The following HECTD3 variants were observed in gnomAD, a reference collection of about 807,000 sequenced individuals.
The protein encoded by HECTD3 is E3 ubiquitin-protein ligase HECTD3.
Under a neutral mutation model 109.3 loss-of-function variants are expected in HECTD3, and 72 were observed. The observed-to-expected ratio is 0.66, with a 90% confidence interval of 0.54 to 0.80. The LOEUF (loss-of-function observed/expected upper bound fraction) is 0.80. Among genes scored for constraint, HECTD3 ranks in the 30% least tolerant of loss-of-function variants. The probability of loss-of-function intolerance (pLI) is 0.00; values close to 1 mark genes in which losing one functional copy is unlikely to be tolerated. For synonymous variants in HECTD3, 481 were observed against 471.8 expected, an observed-to-expected ratio of 1.02 and a Z score of -0.25; for missense variants, 1,041 against 1,165.2, an observed-to-expected ratio of 0.89 and a Z score of 1.55.
In HECTD3 at chr1:45,007,606, G is replaced by C. The variant is rs1644748089; in HGVS notation, c.1321-11C>G. ...GAACTGCTTCACTTGCTAGTGAGGAGAGGTGGCCAGAGCAGGAATGAGTGG... is the reference window on the plus strand; with the variant it reads ...GAACTGCTTCACTTGCTAGTGAGGACAGGTGGCCAGAGCAGGAATGAGTGG... On this transcript the variant is annotated splice_polypyrimidine_tract_variant and intron_variant, in intron 9 of 20. Transcript: ENST00000372172. 2 of 1,603,334 alleles carry C rather than the reference G, an allele frequency of 1.2e-6. No individual in the cohort carries two copies. The highest frequency in any genetic ancestry group is 1.7e-6 in the Non-Finnish European group (2 of 1,178,838).
In HECTD3 at chr1:45,007,484, G is replaced by A. The variant is rs931224180; in HGVS notation, c.1432C>T (p.Arg478Cys). Residue 478 changes from arginine to cysteine, a missense_variant, in exon 10 of 21, where the codon CGC becomes TGC. Arg to Cys is a radical substitution (Grantham distance 180, BLOSUM62 -3). Around this residue, in one of 2 missense-constraint regions of HECTD3, gnomAD observed 569 missense variants for 715.3 expected, o/e 0.80. Transcript: ENST00000372172. Reference sequence around the variant, plus strand: ...GCACGGTGTTCCATGGCAAGACGGCGGTTGATGTATAGGCGTGGCATGAAG... The same window carrying A: ...GCACGGTGTTCCATGGCAAGACGGCAGTTGATGTATAGGCGTGGCATGAAG... ...PSFMPRLYIN[R>C]RLAMEHRACP... 8 of 1,614,138 alleles carry A rather than the reference G, an allele frequency of 5.0e-6. No individual in the cohort carries two copies. The highest frequency in any genetic ancestry group is 2.7e-5 in the African/African-American group (2 of 75,016).
chr1:45,003,323 G>C lies in HECTD3; in HGVS notation c.*169C>G, dbSNP rs1644706454. On this transcript the variant is annotated 3_prime_UTR_variant, in exon 21 of 21. Coordinates refer to ENST00000372172, the MANE Select transcript of HECTD3 (RefSeq NM_024602.6). The surrounding 1 kb of genome is among the most constrained non-coding windows in gnomAD (Gnocchi z 4.7). ...GTGGGTCTGCGGGGCTGGGCCACTA[G>C]TGTTACCTGACCATGCCAGCTGCCC... 1 of 630,788 alleles carries C rather than the reference G, an allele frequency of 1.6e-6. No homozygotes were observed. The highest frequency in any genetic ancestry group is 2.5e-5 in the Admixed American group (1 of 40,432). The allele number at this position is 630,788 out of a possible 1,614,324, so 39.1% of individuals were successfully genotyped here. A position where few individuals can be genotyped will look rare whatever the true frequency, so the allele number is the denominator to read the frequency against.
Position 45,004,633 on chromosome 1 carries a change from G to A in HECTD3, c.2109C>T (p.Val703=). 1 of 1,614,132 alleles carries A rather than the reference G, an allele frequency of 6.2e-7. No individual in the cohort carries two copies. Among genetic ancestry groups the A allele is most frequent in the Non-Finnish European group, 8.5e-7 (1 of 1,180,018 alleles). Residue 703 remains valine, a synonymous_variant, in exon 16 of 21, where the codon GTC becomes GTT. Transcript: ENST00000372172. The part of the protein sequence containing the change: ...YGDRSRFIQL[V]QKARLEESKE... ...TGCTCTCCTCTAGCCGTGCCTTCTG[G>A]ACCAGTTGGATGAAACGAGAACGGT...
Position 45,004,234 on chromosome 1 carries a change from C to T in HECTD3, c.2272+14G>A, listed in dbSNP as rs1367072997. On this transcript the variant is annotated intron_variant, in intron 17 of 20. Coordinates refer to ENST00000372172, the MANE Select transcript of HECTD3 (RefSeq NM_024602.6). ...GCTGTGCTGCCCTGCCCTGCCCTGC[C>T]TTGGGGAACTCACTGAGCTTGCGCA... 6.2e-7 allele frequency: 1 copy of T among 1,614,018 alleles called. No individual in the cohort carries two copies. Among genetic ancestry groups the T allele is most frequent in the South Asian group, 1.1e-5 (1 of 91,080 alleles).
rs569133161 is a variant in HECTD3, at chr1:45,004,649, C to T, written c.2093G>A (p.Arg698His). 277 of 1,614,178 alleles carry T rather than the reference C, an allele frequency of 1.7e-4. 3 individuals carry two copies. The South Asian group carries it at 2.7e-3, about 16-fold the overall frequency. The change falls in exon 16 of 21, where the codon CGT (arginine) becomes CAT (histidine). Residue 698 changes from arginine to histidine, a missense_variant. This residue lies in a region of HECTD3 where 569 missense variants were observed against 715.3 expected (regional missense o/e 0.80). Transcript: ENST00000372172. ...GIVVGYGDRS[R>H]FIQLVQKARL... ...TGCCTTCTGGACCAGTTGGATGAAACGAGAACGGTCCCCATATCCCACGAC... is the reference window on the plus strand; with the variant it reads ...TGCCTTCTGGACCAGTTGGATGAAATGAGAACGGTCCCCATATCCCACGAC...
intron 15 of HECTD3, chr1:45,005,104 A>G (rs1644722798): frequency 6.3e-6 from 3 of 478,462 alleles, no homozygotes; most frequent in Non-Finnish European, 3.8e-6. Flanking sequence ...AAAGAGCAAA[A>G]GGCCTAAGGA....
Position 45,011,306 on chromosome 1 carries a change from A to G in HECTD3, c.-49T>C. The G allele has an allele frequency of 7.4e-7, 1 of 1,350,012 alleles. No homozygotes were observed. Among genetic ancestry groups the G allele is most frequent in the Non-Finnish European group, 9.5e-7 (1 of 1,056,302 alleles). 83.6% of individuals were successfully genotyped at this position (1,350,012 alleles called of 1,614,324 possible). On this transcript the variant is annotated 5_prime_UTR_variant, in exon 1 of 21. Coordinates refer to ENST00000372172, the MANE Select transcript of HECTD3 (RefSeq NM_024602.6). The stretch of plus-strand genomic sequence containing the variant: ...CTAGAGGCGACCCTGCCCGGGGAAC[A>G]GCTGGCGCGACCGCGGACAGAGCTT...
At chr1:45,005,645 G>A (rs1044414545) in intron 15 of HECTD3, 149 bp downstream of exon 15, 9 of 599,140 alleles carry the variant, frequency 1.5e-5, no homozygotes, top group South Asian at 8.4e-5. Flanking sequence ...TAGGGGTCAC[G>A]AGTCTACAGA....
At chr1:45,005,937 CT>C in intron 14 of HECTD3, 54 bp from the exon 15 acceptor site, 1 of 1,606,224 alleles carries the variant, frequency 6.2e-7, no homozygotes. Flanking sequence ...CCAGGTTTGG[CT>C]GGCCTTTCCT....
At position 45,008,690 on chromosome 1, in the gene HECTD3, C is replaced by T; in HGVS notation, c.1084G>A (p.Asp362Asn). The stretch of plus-strand genomic sequence containing the variant: ...ATCTTGACCCCTCGGAGACGAACAT[C>T]AATCCCATCATCTGGGGGAAGGGGT... Reference protein sequence around the residue: ...RIVECRDDGIDVRLRGVKIKS... With the variant: ...RIVECRDDGINVRLRGVKIKS... The change falls in exon 8 of 21, where the codon GAT becomes AAT. Residue 362 changes from aspartate to asparagine, a missense_variant. Coordinates refer to ENST00000372172, the MANE Select transcript of HECTD3 (RefSeq NM_024602.6). 2.5e-6 allele frequency: 4 copies of T among 1,613,328 alleles called. No homozygotes were observed. The highest frequency in any genetic ancestry group is 1.8e-4 in the Middle Eastern group (1 of 5,666).
In HECTD3 at chr1:45,004,820, A is replaced by G; in HGVS notation, c.1936-14T>C. On this transcript the variant is annotated splice_polypyrimidine_tract_variant and intron_variant, in intron 15 of 20. Transcript: ENST00000372172. ...CAGGAGCTTCACCTAGGGGTTGGAGAGAGGCAGGGAGGTAACCTTTTCACT... is the reference window on the plus strand; with the variant it reads ...CAGGAGCTTCACCTAGGGGTTGGAGGGAGGCAGGGAGGTAACCTTTTCACT... 2.5e-6 allele frequency: 4 copies of G among 1,610,776 alleles called. No individual in the cohort carries two copies. The highest frequency in any genetic ancestry group is 3.4e-6 in the Non-Finnish European group (4 of 1,176,954).
At chr1:45,008,811 A>G (rs2148978409) in intron 7 of HECTD3, 110 bp from the exon 8 acceptor site, 1 of 1,018,410 alleles carries the variant, frequency 9.8e-7, no homozygotes, top group South Asian at 1.4e-5. Context: ...GTTAGCCCCT[A>G]GAAACTCGGG....
chr1:45,006,996 G>A lies in HECTD3; in HGVS notation c.1576C>T (p.Gln526Ter), dbSNP rs1233808009. The A allele has an allele frequency of 1.9e-6, 3 of 1,614,088 alleles. No individual in the cohort carries two copies. Among genetic ancestry groups the A allele is most frequent in the Non-Finnish European group, 1.7e-6 (2 of 1,180,008 alleles). The stretch of plus-strand genomic sequence containing the variant: ...GCAATAAATTTACACTCCCACCACT[G>A]GTCATAGCGCATGGGCCACCTGCAA... ...LDYRWPMRYD[Q>*]WWECKFIAEG... Residue 526 changes from glutamine to a stop codon, truncating the protein, a stop_gained, in exon 12 of 21, where the codon CAG becomes TAG. Coordinates refer to ENST00000372172, the MANE Select transcript of HECTD3 (RefSeq NM_024602.6). LOFTEE classifies it high-confidence loss of function. The surrounding 1 kb of genome is among the most constrained non-coding windows in gnomAD (Gnocchi z 4.7).
Position 45,007,434 on chromosome 1 carries a change from G to A in HECTD3, c.1482C>T (p.Cys494=), listed in dbSNP as rs1482163236. ...AGACCTGGGTGAAGACTGCATTCTT[G>A]CAGGCAGGGTCTCGAGAGGGGCAGG... ...HRACPSRDPA[C]KNAVFTQVYE... is the part of the protein sequence containing the mutation. Residue 494 remains cysteine (C), a synonymous_variant, in exon 10 of 21, where the codon TGC becomes TGT. Coordinates refer to ENST00000372172, the MANE Select transcript of HECTD3 (RefSeq NM_024602.6). 2 of 1,614,010 alleles carry A rather than the reference G, an allele frequency of 1.2e-6. No homozygotes were observed. The highest frequency in any genetic ancestry group is 1.7e-6 in the Non-Finnish European group (2 of 1,180,026).
rs1321616578 is a variant in HECTD3 at position 45,004,775 on chromosome 1, T to A, written c.1967A>T (p.Asp656Val). 6.2e-7 allele frequency: 1 copy of A among 1,614,198 alleles called. No individual in the cohort carries two copies. The highest frequency in any genetic ancestry group is 8.5e-7 in the Non-Finnish European group (1 of 1,180,022). ...VKLLEVMEGM[D>V]KETFEFKFGK... ...AAACTTGAACTCAAACGTCTCCTTG[T>A]CCATTCCTTCCATCACTTCCAGGAG... The change falls in exon 16 of 21, where the codon GAC (aspartate) becomes GTC (valine). Residue 656 changes from aspartate to valine, a missense_variant. By Grantham distance (152) the Asp-to-Val change is radical. Transcript: ENST00000372172.
rs760898026 is a variant in HECTD3, at chr1:45,010,040, C to G, written c.705G>C (p.Glu235Asp). The stretch of plus-strand genomic sequence containing the variant: ...CATACTGCTTCACGCTACCCAGGTT[C>G]TCATCCTCCTTGCCCAGGTGGTCAT... ...FLYDHLGKED[E>D]NLGSVKQYVE... is the part of the protein sequence containing the mutation. Residue 235 changes from glutamate (E) to aspartate (D), a missense_variant, in exon 4 of 21, where the codon GAG (glutamate) becomes GAC (aspartate). Physicochemically the swap from Glu to Asp is conservative, Grantham distance 45. Transcript: ENST00000372172. 10 of 1,563,120 alleles carry G rather than the reference C, an allele frequency of 6.4e-6. No individual in the cohort carries two copies. The East Asian group carries it at 2.3e-4, about 35-fold the overall frequency.
intron 15 of HECTD3, 200 bp downstream of exon 15, chr1:45,005,594 G>A: frequency 2.1e-6 from 1 of 485,426 alleles, no homozygotes. Flanking sequence ...TACATATATG[G>A]CCCCAGGCTT....
At position 45,011,116 on chromosome 1, in the gene HECTD3, G is replaced by C; in HGVS notation, c.142C>G (p.Leu48Val). ...AALAFVPREV[L>V]YKLYKDPAGP... Reference sequence around the variant, plus strand: ...GCTGGGTCCTTGTAAAGCTTGTAGAGCACCTCTCGCGGCACGAAAGCCAGC... The same window carrying C: ...GCTGGGTCCTTGTAAAGCTTGTAGACCACCTCTCGCGGCACGAAAGCCAGC... Residue 48 changes from leucine (L) to valine (V), a missense_variant, in exon 1 of 21, where the codon CTC becomes GTC. Leu to Val is a conservative substitution (Grantham distance 32). Around this residue, in one of 2 missense-constraint regions of HECTD3, gnomAD observed 472 missense variants for 449.9 expected, o/e 1.05. Transcript: ENST00000372172. 6.6e-7 allele frequency: 1 copy of C among 1,510,038 alleles called. No homozygotes were observed. 93.5% of individuals were successfully genotyped at this position (1,510,038 alleles called of 1,614,324 possible).
Position 45,005,878 on chromosome 1 carries a change from C to G in HECTD3, c.1851G>C (p.Leu617=), listed in dbSNP as rs1277676023. The stretch of plus-strand genomic sequence containing the variant: ...GCTTCCACACAAAACCAGGCAGGGC[C>G]AGGACCTGTGTGACAAACACTCCCC... ...AALRGKEFLV[L]ALPGFVWKQL... is the part of the protein sequence containing the mutation. Residue 617 remains leucine (L), a synonymous_variant, in exon 15 of 21, where the codon CTG becomes CTC. Transcript: ENST00000372172. 2 of 1,606,552 alleles carry G rather than the reference C, an allele frequency of 1.2e-6. No homozygotes were observed. The highest frequency in any genetic ancestry group is 1.7e-6 in the Non-Finnish European group (2 of 1,176,262).
Sources: allele counts gnomAD v4.1 joint callset, GRCh38; gene constraint gnomAD v4.1.1; regional missense constraint gnomAD v4.1.1; non-coding constraint Gnocchi (gnomAD v3.1); transcripts MANE v1.5; gene names NCBI Gene and HGNC (gene_info 2026-07-23, HGNC 2026-07-21).